CNTN4: variants seen among roughly 807,000 people sequenced by gnomAD.
CNTN4 encodes the protein contactin 4.
Under a neutral mutation model 122.5 loss-of-function variants are expected in CNTN4, and 77 were observed. The ratio of observed to expected loss-of-function variants is 0.63; its 90% CI spans 0.52 to 0.76. CNTN4 has a LOEUF of 0.76. CNTN4 is among the 30% of genes least tolerant of loss of function. The pLI is 0.00. For missense variants in CNTN4, 1,256 were observed against 1,259.1 expected (o/e 1.00, Z 0.04); for synonymous variants, 512 against 447.0 (o/e 1.15, Z -1.83).
chr3:2,252,689 TAAGA>T (rs2040424059), intron 2 of CNTN4, among the ~76,000 whole-genome samples: 1 of 152,094 alleles, frequency 6.6e-6, no homozygotes, highest in African/African-American at 2.4e-5. Context: ...ACTCACACAC[TAAGA>T]AAGGTGATAT....
At chr3:2,171,574 A>C (rs532958703) in intron 2 of CNTN4, among the ~76,000 whole-genome samples, 2 of 152,332 alleles carry the variant, frequency 1.3e-5, no homozygotes, top group African/African-American at 4.8e-5. Context: ...TTTGGGTTAA[A>C]AAAGTCAGTG....
chr3:2,139,362 C>G (rs778438416), intron 2 of CNTN4, among the ~76,000 whole-genome samples: 1 of 152,008 alleles, frequency 6.6e-6, no homozygotes, highest in African/African-American at 2.4e-5. Context: ...TCTTAAATAA[C>G]CACTATTGCT....
intron 2 of CNTN4, among the ~76,000 whole-genome samples, chr3:2,190,449 G>A (rs546763581): frequency 5.9e-5 from 9 of 152,038 alleles, no homozygotes; most frequent in African/African-American, 1.9e-4. Flanking sequence ...TCACAAAGTT[G>A]AGCTGGAGCT....
chr3:2,549,427 C>G (rs545830800), intron 3 of CNTN4, among the ~76,000 whole-genome samples: 3 of 151,996 alleles, frequency 2.0e-5, no homozygotes, highest in African/African-American at 7.2e-5. Flanking sequence ...TGAATTTTAT[C>G]GAGAACTTTT....
intron 2 of CNTN4, among the ~76,000 whole-genome samples, chr3:2,317,986 C>A: frequency 6.6e-6 from 1 of 152,100 alleles, no homozygotes; most frequent in Non-Finnish European, 1.5e-5. Context: ...CTTTGTATTT[C>A]TTTAGATTTA....
At chr3:2,644,324 A>G (rs1175247675) in intron 4 of CNTN4, among the ~76,000 whole-genome samples, 1 of 152,224 alleles carries the variant, frequency 6.6e-6, no homozygotes. Context: ...ATAATAAAGT[A>G]GAAGAAACAT....
chr3:2,798,855 C>G (rs1393717345), intron 6 of CNTN4, among the ~76,000 whole-genome samples: 3 of 152,016 alleles, frequency 2.0e-5, no homozygotes, highest in Admixed American at 2.0e-4. Context: ...TGATTATATA[C>G]CCGGTAGTGG....
intron 4 of CNTN4, among the ~76,000 whole-genome samples, chr3:2,728,948 A>T (rs1231975909): frequency 6.6e-6 from 1 of 152,224 alleles, no homozygotes; most frequent in East Asian, 1.9e-4. Flanking sequence ...TTATGGCAGC[A>T]CTTCATACCT....
chr3:2,908,127 C>T (rs920658925), intron 12 of CNTN4, among the ~76,000 whole-genome samples: 1 of 152,140 alleles, frequency 6.6e-6, no homozygotes, highest in Non-Finnish European at 1.5e-5. Context: ...ACCATCATTC[C>T]ACTCCTCTCC....
chr3:2,863,197 C>G (rs2093688097), intron 7 of CNTN4, among the ~76,000 whole-genome samples: 1 of 152,030 alleles, frequency 6.6e-6, no homozygotes, highest in Admixed American at 6.6e-5. Context: ...AATAAAAATA[C>G]AATATTCCAG....
chr3:2,841,717 C>A lies in CNTN4; in HGVS notation c.454+22136C>A, dbSNP rs940345407. 5.3e-5 allele frequency among the ~76,000 whole-genome samples: 8 copies of A among 152,064 alleles called. No homozygotes were observed. The highest frequency in any genetic ancestry group is 7.4e-5 in the Non-Finnish European group (5 of 68,008). ...AAGGACGAGGTTGAAAGTAGCTGTGCCTTGAAGTTATTAAAAATATGTTTC... is the reference window on the plus strand; with the variant it reads ...AAGGACGAGGTTGAAAGTAGCTGTGACTTGAAGTTATTAAAAATATGTTTC... On this transcript the variant is annotated intron_variant, in intron 7 of 24. Coordinates refer to ENST00000418658, the MANE Select transcript of CNTN4 (RefSeq NM_175607.3). The surrounding 1 kb of genome is among the most constrained non-coding windows in gnomAD (Gnocchi z 4.8).
chr3:2,630,702 G>GTA (rs2082392718), intron 4 of CNTN4, among the ~76,000 whole-genome samples: 1 of 31,914 alleles, frequency 3.1e-5, no homozygotes, highest in South Asian at 8.7e-4. Flanking sequence ...TATTAAGGGA[G>GTA]TGTGTGTGTG....
intron 3 of CNTN4, among the ~76,000 whole-genome samples, chr3:2,453,204 A>T (rs1308158217): frequency 6.6e-6 from 1 of 152,130 alleles, no homozygotes; most frequent in Non-Finnish European, 1.5e-5. Flanking sequence ...AAGAAAAAAA[A>T]AAGTCAATCA....
At chr3:2,551,297 A>T (rs1250630900) in intron 3 of CNTN4, among the ~76,000 whole-genome samples, 1 of 152,080 alleles carries the variant, frequency 6.6e-6, no homozygotes, top group Non-Finnish European at 1.5e-5. Context: ...ATAGAGAAGA[A>T]TGTCAGCTCA....
chr3:2,889,053 AAGG>A (rs199795683), intron 10 of CNTN4, among the ~76,000 whole-genome samples: 4,265 of 152,176 alleles, frequency 0.028, 191 homozygotes, highest in African/African-American at 0.097. Flanking sequence ...GGGAAAAAGG[AAGG>A]AAGGAAGGAA....
At chr3:2,695,258 A>G (rs1243535665) in intron 4 of CNTN4, among the ~76,000 whole-genome samples, 2 of 152,076 alleles carry the variant, frequency 1.3e-5, no homozygotes, top group Non-Finnish European at 2.9e-5. Context: ...GATAACCCCA[A>G]TTATTGGAAA....
intron 6 of CNTN4, among the ~76,000 whole-genome samples, chr3:2,764,516 A>G (rs1157632542): frequency 6.6e-6 from 1 of 152,194 alleles, no homozygotes. Flanking sequence ...CAGAGCAGAA[A>G]GTGGTGGGAG....
At chr3:2,930,511 C>G (rs980856487) in intron 13 of CNTN4, among the ~76,000 whole-genome samples, 21 of 152,204 alleles carry the variant, frequency 1.4e-4, no homozygotes, top group Admixed American at 6.5e-5. Flanking sequence ...AATTAATAAA[C>G]TGTCACTCTC....
At chr3:2,108,316 G>C (rs1172893887) in intron 2 of CNTN4, among the ~76,000 whole-genome samples, 4 of 152,086 alleles carry the variant, frequency 2.6e-5, no homozygotes, top group Non-Finnish European at 4.4e-5. Context: ...GAGGCATAAA[G>C]AATGGCTCCG....
Sources: allele counts gnomAD v4.1 joint callset (sites outside exome capture counted in the v4.1 genomes callset), GRCh38; gene constraint gnomAD v4.1.1; non-coding constraint Gnocchi (gnomAD v3.1); transcripts MANE v1.5; gene names NCBI Gene and HGNC (gene_info 2026-07-23, HGNC 2026-07-21).